The following DNAJC13 variants were observed in gnomAD, a reference collection of about 807,000 sequenced individuals.
DNAJC13 encodes dnaJ homolog subfamily C member 13.
Under a neutral mutation model 290.5 loss-of-function variants are expected in DNAJC13, and 75 were observed. The ratio of observed to expected loss-of-function variants is 0.26; its 90% CI spans 0.21 to 0.31. The LOEUF (loss-of-function observed/expected upper bound fraction) is 0.31. Ranked by LOEUF, DNAJC13 falls within the 10% of genes least tolerant of loss-of-function variation. DNAJC13 has a pLI of 1.00. For missense variants in DNAJC13, 2,260 were observed against 2,674.5 expected (o/e 0.85, Z 3.42); for synonymous variants, 862 against 892.0 (o/e 0.97, Z 0.60).
chr3:132,470,614 G>T (rs1201530201), intron 20 of DNAJC13, among the ~76,000 whole-genome samples: 1 of 144,950 alleles, frequency 6.9e-6, no homozygotes, highest in Non-Finnish European at 1.5e-5. Context: ...CCGGGCGGGG[G>T]GGCTGACCCC....
intron 54 of DNAJC13, among the ~76,000 whole-genome samples, chr3:132,530,191 T>C (rs1215578978): frequency 6.6e-6 from 1 of 152,192 alleles, no homozygotes; most frequent in Non-Finnish European, 1.5e-5. Flanking sequence ...TGTATAACCC[T>C]ACTTTAATTC....
chr3:132,538,120 C>T, intron 55 of DNAJC13, 56 bp from the exon 56 acceptor site: 1 of 1,439,718 alleles, frequency 6.9e-7, no homozygotes, highest in Non-Finnish European at 9.7e-7. Flanking sequence ...TTATAAAGGT[C>T]AATGTTTTCA....
At chr3:132,534,358 T>C (rs1019164279) in intron 55 of DNAJC13, among the ~76,000 whole-genome samples, 1 of 152,200 alleles carries the variant, frequency 6.6e-6, no homozygotes, top group Non-Finnish European at 1.5e-5. Flanking sequence ...GTCTGTCCTA[T>C]TTGAAAGGAC....
Position 132,538,242 on chromosome 3 carries a change from CT to C in DNAJC13, c.6693del (p.Val2232Ter), listed in dbSNP as rs1205274077. 1 of 1,613,934 alleles carries C rather than the reference CT, an allele frequency of 6.2e-7. No individual in the cohort carries two copies. The highest frequency in any genetic ancestry group is 2.2e-5 in the East Asian group (1 of 44,866). On this transcript the variant is annotated frameshift_variant, in exon 56 of 56. Coordinates refer to ENST00000260818, the MANE Select transcript of DNAJC13 (RefSeq NM_015268.4). LOFTEE classifies it high-confidence loss of function. ...TCAGTCATGTCTAACCTGCCACCTC[CT>C]GTAGACCATGAGGCAGGCGACCTTG... ...STSVMSNLPP[P>X]VDHEAGDLGY...
chr3:132,490,779 C>A, intron 31 of DNAJC13, 118 bp from the exon 32 acceptor site: 1 of 1,057,110 alleles, frequency 9.5e-7, no homozygotes, highest in Non-Finnish European at 1.3e-6. Flanking sequence ...AGCATAAAAG[C>A]AATTTGTTCC....
chr3:132,502,141 A>C, intron 39 of DNAJC13, 148 bp from the exon 40 acceptor site: 1 of 610,414 alleles, frequency 1.6e-6, no homozygotes, highest in Non-Finnish European at 2.6e-6. Flanking sequence ...ATTCAGATTT[A>C]AATTGGAATT....
chr3:132,491,927 C>G (rs142775610), intron 32 of DNAJC13, among the ~76,000 whole-genome samples: 50 of 152,184 alleles, frequency 3.3e-4, no homozygotes, highest in African/African-American at 1.1e-3. Flanking sequence ...CAACACAGTT[C>G]TTCTGTGTAA....
intron 22 of DNAJC13, among the ~76,000 whole-genome samples, chr3:132,475,631 G>A (rs568855577): frequency 6.6e-6 from 1 of 152,260 alleles, no homozygotes; most frequent in South Asian, 2.1e-4. Context: ...GAACATGTGA[G>A]TGATCCTGCG....
At position 132,445,175 on chromosome 3, in the gene DNAJC13, A is replaced by G. The variant is rs181086915; in HGVS notation, c.69-1300A>G. On this transcript the variant is annotated intron_variant, in intron 2 of 55. Coordinates refer to ENST00000260818, the MANE Select transcript of DNAJC13 (RefSeq NM_015268.4). The stretch of plus-strand genomic sequence containing the variant: ...TTATTAATGCCTTTTTAGCATACTA[A>G]TAGTTCAAAGGAAGAAAACATGATT... Among the ~76,000 whole-genome samples the G allele has an allele frequency of 2.0e-3, 307 of 152,242 alleles. 3 individuals are homozygous for G. Among genetic ancestry groups the G allele is most frequent in the African/African-American group, 7.1e-3 (297 of 41,576 alleles).
intron 55 of DNAJC13, 28 bp from the exon 56 acceptor site, chr3:132,538,148 G>A: frequency 2.5e-6 from 4 of 1,585,620 alleles, no homozygotes; most frequent in Non-Finnish European, 3.5e-6. Flanking sequence ...GCTTTCTAGA[G>A]GTGTGTGTTT....
chr3:132,537,633 C>T (rs1362815764), intron 55 of DNAJC13, among the ~76,000 whole-genome samples: 1 of 152,172 alleles, frequency 6.6e-6, no homozygotes, highest in Non-Finnish European at 1.5e-5. Context: ...CTTGTTTTAA[C>T]CTATGACAGA....
intron 53 of DNAJC13, 61 bp from the exon 54 acceptor site, chr3:132,528,128 T>C (rs1246074452): frequency 1.3e-6 from 2 of 1,594,214 alleles, no homozygotes; most frequent in Non-Finnish European, 1.7e-6. Flanking sequence ...GTAAAATTAT[T>C]TCTTCAGTGG....
intron 1 of DNAJC13, among the ~76,000 whole-genome samples, chr3:132,434,228 A>G (rs1939317050): frequency 1.4e-5 from 2 of 141,932 alleles, no homozygotes; most frequent in African/African-American, 2.6e-5. Context: ...AAAACAAAAA[A>G]CAAAAAAATT....
intron 51 of DNAJC13, among the ~76,000 whole-genome samples, chr3:132,525,392 T>G (rs1019915890): frequency 3.9e-5 from 6 of 152,188 alleles, no homozygotes; most frequent in Admixed American, 1.3e-4. Flanking sequence ...AAAATCCTGC[T>G]TAGATTAAAA....
In DNAJC13 at chr3:132,447,304, A is replaced by T. The variant is rs774878901; in HGVS notation, c.145-17A>T. The T allele has an allele frequency of 2.8e-4, 322 of 1,158,578 alleles. No individual in the cohort carries two copies. Among genetic ancestry groups the T allele is most frequent in the East Asian group, 8.8e-4 (29 of 32,948 alleles). 71.8% of individuals were successfully genotyped at this position (1,158,578 alleles called of 1,614,324 possible). ...CTGTATTATAGTAGCACCAGTCAAAATTTTTTTTTTTTTAAGTGGCCTTAT... is the reference window on the plus strand; with the variant it reads ...CTGTATTATAGTAGCACCAGTCAAATTTTTTTTTTTTTTAAGTGGCCTTAT... On this transcript the variant is annotated splice_polypyrimidine_tract_variant and intron_variant, in intron 3 of 55. Transcript: ENST00000260818.
At chr3:132,524,089 T>G (rs904795892) in intron 51 of DNAJC13, 1 of 161,174 alleles carries the variant, frequency 6.2e-6, no homozygotes, top group Non-Finnish European at 1.3e-5. Context: ...CACTCTACTT[T>G]GTGTATATGG....
chr3:132,454,032 T>A (rs750423757), intron 8 of DNAJC13, 34 bp from the exon 9 acceptor site: 4 of 1,485,984 alleles, frequency 2.7e-6, no homozygotes, highest in Non-Finnish European at 3.7e-6. Context: ...TATAAACTTT[T>A]TTTTGTTGAA....
intron 31 of DNAJC13, among the ~76,000 whole-genome samples, chr3:132,490,019 T>C (rs1036515641): frequency 1.6e-4 from 24 of 152,304 alleles, no homozygotes; most frequent in Admixed American, 7.9e-4. Flanking sequence ...AAACAGTGTT[T>C]ATAGCACAAG....
intron 32 of DNAJC13, among the ~76,000 whole-genome samples, chr3:132,491,822 G>A (rs113016924): frequency 1.6e-4 from 24 of 152,120 alleles, no homozygotes; most frequent in African/African-American, 4.8e-4. Context: ...CTTGACCTAT[G>A]GGCTTGGCAT....
Sources: gnomAD v4.1 joint callset for allele counts (sites outside exome capture counted in the v4.1 genomes callset) on GRCh38, gnomAD v4.1.1 for gene constraint, MANE v1.5 for transcripts, NCBI Gene and HGNC (gene_info 2026-07-23, HGNC 2026-07-21) for gene names.